The following MAP2K1 variants were observed in gnomAD, a reference collection of about 807,000 sequenced individuals.
MAP2K1 encodes the protein mitogen-activated protein kinase kinase 1, also known as dual specificity mitogen-activated protein kinase kinase 1.
Under a neutral mutation model 46.3 loss-of-function variants are expected in MAP2K1, and 16 were observed. The observed-to-expected ratio is 0.35, with a 90% CI of 0.23 to 0.52. MAP2K1 has a LOEUF of 0.52. Ranked by LOEUF, MAP2K1 falls within the 20% of genes least tolerant of loss-of-function variation. The probability of loss-of-function intolerance (pLI) is 0.94; values close to 1 mark genes in which losing one functional copy is unlikely to be tolerated. For synonymous variants in MAP2K1, 183 were observed against 185.6 expected, an observed-to-expected ratio of 0.99 and a Z score of 0.11; for missense variants, 263 against 497.1, an observed-to-expected ratio of 0.53 and a Z score of 4.48.
At chr15:66,474,704 T>C (rs1041841592) in intron 5 of MAP2K1, among the ~76,000 whole-genome samples, 1 of 152,152 alleles carries the variant, frequency 6.6e-6, no homozygotes, top group Non-Finnish European at 1.5e-5. Context: ...TAACTCCCTG[T>C]GCCACCCTAA....
chr15:66,446,305 G>T (rs1252829209), intron 5 of MAP2K1: 1 of 152,940 alleles, frequency 6.5e-6, no homozygotes, highest in Non-Finnish European at 1.5e-5. Flanking sequence ...TGGGCGTAGT[G>T]GTGAGTGCCT....
chr15:66,401,795 A>G (rs2093382380), intron 1 of MAP2K1: 1 of 521,806 alleles, frequency 1.9e-6, no homozygotes, highest in Non-Finnish European at 3.8e-6. Flanking sequence ...AAGGATGGCT[A>G]GGATTCCATG....
At chr15:66,474,871 G>C (rs573575759) in intron 5 of MAP2K1, among the ~76,000 whole-genome samples, 1 of 150,822 alleles carries the variant, frequency 6.6e-6, no homozygotes, top group African/African-American at 2.4e-5. Context: ...GCCACTGCAC[G>C]CTAGCCTGGG....
intron 4 of MAP2K1, 53 bp from the exon 5 acceptor site, chr15:66,444,603 G>A: frequency 8.3e-7 from 1 of 1,208,906 alleles, no homozygotes. Context: ...AATAGATTGA[G>A]TATTTTTCTT....
In MAP2K1 at chr15:66,435,225, C is replaced by A; in HGVS notation, c.279C>A (p.Val93=). Reference sequence around the variant, plus strand: ...TCTCCCACAAGCCTTCTGGCCTGGTCATGGCCAGAAAGGTGAGTTTGCCTT... The same window carrying A: ...TCTCCCACAAGCCTTCTGGCCTGGTAATGGCCAGAAAGGTGAGTTTGCCTT... ...FKVSHKPSGL[V]MARKLIHLEI... Residue 93 remains valine, a synonymous_variant, in exon 2 of 11, where the codon GTC becomes GTA. Coordinates refer to ENST00000307102, the MANE Select transcript of MAP2K1 (RefSeq NM_002755.4). The A allele has an allele frequency of 6.2e-7, 1 of 1,613,914 alleles. No individual in the cohort carries two copies. The highest frequency in any genetic ancestry group is 1.1e-5 in the South Asian group (1 of 91,010).
intron 1 of MAP2K1, among the ~76,000 whole-genome samples, chr15:66,399,057 G>C (rs1352141495): frequency 6.6e-6 from 1 of 152,188 alleles, no homozygotes; most frequent in Non-Finnish European, 1.5e-5. Context: ...ACAGGCGTGA[G>C]CCACCGTGCC....
chr15:66,408,322 G>A (rs2093402869), intron 1 of MAP2K1, among the ~76,000 whole-genome samples: 1 of 152,162 alleles, frequency 6.6e-6, no homozygotes, highest in Non-Finnish European at 1.5e-5. Flanking sequence ...GGGCATACTT[G>A]CAATTTTTTA....
chr15:66,418,751 C>T (rs918185469), intron 1 of MAP2K1, among the ~76,000 whole-genome samples: 1 of 151,878 alleles, frequency 6.6e-6, no homozygotes, highest in African/African-American at 2.4e-5. Flanking sequence ...CAAGCTCCGC[C>T]TCCCGGGTTC....
chr15:66,487,138 T>G lies in MAP2K1; in HGVS notation c.896-90T>G, dbSNP rs1893060493. Reference sequence around the variant, plus strand: ...ATGTTTATTGTCCATGACCCTGTTCTGGTCCCAGGGATCCATGCCCAACCC... The same window carrying G: ...ATGTTTATTGTCCATGACCCTGTTCGGGTCCCAGGGATCCATGCCCAACCC... On this transcript the variant is annotated intron_variant, in intron 7 of 10. Coordinates refer to ENST00000307102, the MANE Select transcript of MAP2K1 (RefSeq NM_002755.4). 3.8e-6 allele frequency: 4 copies of G among 1,041,468 alleles called. No individual in the cohort carries two copies. In the Admixed American group the frequency reaches 6.9e-5, roughly 18 times the overall value. 64.5% of individuals were successfully genotyped at this position (1,041,468 alleles called of 1,614,324 possible). A position where few individuals can be genotyped will look rare whatever the true frequency, so the allele number is the denominator to read the frequency against.
At chr15:66,483,885 C>G (rs997287226) in intron 6 of MAP2K1, among the ~76,000 whole-genome samples, 12 of 150,334 alleles carry the variant, frequency 8.0e-5, no homozygotes, top group African/African-American at 2.9e-4. Flanking sequence ...GTAGCTGGAA[C>G]TACAGGCGTG....
At chr15:66,402,432 A>T (rs1473701977) in intron 1 of MAP2K1, among the ~76,000 whole-genome samples, 1 of 152,192 alleles carries the variant, frequency 6.6e-6, no homozygotes, top group African/African-American at 2.4e-5. Flanking sequence ...CTTGGTCTTT[A>T]TGATATTTTT....
rs529171988 is a variant in MAP2K1 at position 66,423,688 on chromosome 15, AC to A, written c.81-11337del. On this transcript the variant is annotated intron_variant, in intron 1 of 10. Transcript: ENST00000307102. ...AATGGCGCAATCTCGGCTCACGGCA[AC>A]CTCTGCCTCCCAGGTTCAAGTGTTT... Among the ~76,000 whole-genome samples the A allele has an allele frequency of 2.8e-3, 410 of 145,754 alleles. 2 individuals are homozygous for A. The highest frequency in any genetic ancestry group is 0.01 in the African/African-American group (396 of 38,484).
At chr15:66,404,982 C>T (rs1387398956) in intron 1 of MAP2K1, among the ~76,000 whole-genome samples, 2 of 152,136 alleles carry the variant, frequency 1.3e-5, no homozygotes, top group Non-Finnish European at 2.9e-5. Flanking sequence ...TAGGATAAGT[C>T]AGAAGACATG....
chr15:66,420,900 CAT>C (rs2093439730), intron 1 of MAP2K1, among the ~76,000 whole-genome samples: 1 of 126,912 alleles, frequency 7.9e-6, no homozygotes, highest in Non-Finnish European at 1.6e-5. Context: ...TATACACATA[CAT>C]ACATACACAC....
chr15:66,452,973 T>G (rs1200000956), intron 5 of MAP2K1, among the ~76,000 whole-genome samples: 1 of 152,192 alleles, frequency 6.6e-6, no homozygotes, highest in Non-Finnish European at 1.5e-5. Flanking sequence ...AGAAAACAGT[T>G]CTTCTTTGAA....
In MAP2K1 at chr15:66,420,749, GTGTGTGTGTGTA is replaced by G. The variant is rs1567002956; in HGVS notation, c.81-14270_81-14259del. ...TGTGTGTGTGTGTGTGTGTGTGTGT[GTGTGTGTGTGTA>G]TGTGTGTATATATATGTGTATATAT... On this transcript the variant is annotated intron_variant, in intron 1 of 10. Transcript: ENST00000307102. 1.6e-3 allele frequency among the ~76,000 whole-genome samples: 71 copies of G among 45,112 alleles called. 12 individuals are homozygous for G. The highest frequency in any genetic ancestry group is 4.2e-3 in the African/African-American group (61 of 14,586). 29.6% of individuals were successfully genotyped at this position (45,112 alleles called of 152,430 possible). A position where few individuals can be genotyped will look rare whatever the true frequency, so the allele number is the denominator to read the frequency against.
chr15:66,387,341 G>A lies in MAP2K1; in HGVS notation c.-7G>A, dbSNP rs772853727. ...CCGGAGTTGGAAGCGCGTTACCCGGGTCCAAAATGCCCAAGAAGAAGCCGA... is the reference window on the plus strand; with the variant it reads ...CCGGAGTTGGAAGCGCGTTACCCGGATCCAAAATGCCCAAGAAGAAGCCGA... On this transcript the variant is annotated 5_prime_UTR_variant, in exon 1 of 11. Transcript: ENST00000307102. The A allele has an allele frequency of 4.5e-6, 7 of 1,557,438 alleles. No homozygotes were observed. The Admixed American group carries it at 7.7e-5, about 17-fold the overall frequency.
In MAP2K1 at chr15:66,387,114, C is replaced by A. The variant is rs946967890; in HGVS notation, c.-234C>A. On this transcript the variant is annotated 5_prime_UTR_variant, in exon 1 of 11. Coordinates refer to ENST00000307102, the MANE Select transcript of MAP2K1 (RefSeq NM_002755.4). ...GCCCGCTCCGCTCCTGCAGGGCAGCCTTTCGGCTCTCTGCGCGCGAAGCCG... is the reference window on the plus strand; with the variant it reads ...GCCCGCTCCGCTCCTGCAGGGCAGCATTTCGGCTCTCTGCGCGCGAAGCCG... The A allele has an allele frequency of 2.4e-6, 1 of 417,410 alleles. No homozygotes were observed. The highest frequency in any genetic ancestry group is 2.2e-5 in the African/African-American group (1 of 46,186). 25.9% of individuals were successfully genotyped at this position (417,410 alleles called of 1,614,324 possible).
chr15:66,445,245 C>T (rs574016006), intron 5 of MAP2K1, among the ~76,000 whole-genome samples: 2 of 151,960 alleles, frequency 1.3e-5, no homozygotes, highest in African/African-American at 2.4e-5. Context: ...AAAAATTAGC[C>T]GCCAGCCATG....
Sources: allele counts gnomAD v4.1 joint callset (sites outside exome capture counted in the v4.1 genomes callset), GRCh38; gene constraint gnomAD v4.1.1; transcripts MANE v1.5; gene names NCBI Gene and HGNC (gene_info 2026-07-23, HGNC 2026-07-21).